Variants in MAMDC2 observed in about 807,000 individuals in gnomAD.
MAMDC2 encodes MAM domain containing 2.
Under a neutral mutation model 89.8 loss-of-function variants are expected in MAMDC2, and 57 were observed. The observed-to-expected ratio is 0.63, with a 90% CI of 0.51 to 0.79. The LOEUF is 0.79. MAMDC2 is among the 30% of genes least tolerant of loss of function. The pLI is 0.00. For missense variants in MAMDC2, 800 were observed against 820.6 expected (o/e 0.97, Z 0.31); for synonymous variants, 313 against 293.4 (o/e 1.07, Z -0.68).
chr9:70,184,969 T>C (rs1358867714), intron 11 of MAMDC2, among the ~76,000 whole-genome samples: 1 of 152,338 alleles, frequency 6.6e-6, no homozygotes, highest in East Asian at 1.9e-4. Context: ...TTGTGATTTT[T>C]GGAATTTTCA....
intron 11 of MAMDC2, among the ~76,000 whole-genome samples, chr9:70,197,590 T>C (rs570306410): frequency 6.6e-6 from 1 of 152,230 alleles, no homozygotes; most frequent in South Asian, 2.1e-4. Context: ...AATATGATCC[T>C]AGGAAGGAAC....
chr9:70,061,058 A>G (rs1202620536), intron 2 of MAMDC2, among the ~76,000 whole-genome samples: 2 of 152,300 alleles, frequency 1.3e-5, no homozygotes, highest in African/African-American at 4.8e-5. Flanking sequence ...ATGCAAATGC[A>G]CAGTGTGTTG....
intron 2 of MAMDC2, among the ~76,000 whole-genome samples, chr9:70,060,258 A>T (rs1827117727): frequency 1.3e-5 from 2 of 152,180 alleles, no homozygotes; most frequent in Non-Finnish European, 2.9e-5. Flanking sequence ...CTGGAGAGAC[A>T]CTCAGAATAT....
intron 2 of MAMDC2, among the ~76,000 whole-genome samples, chr9:70,105,421 G>A (rs1226763486): frequency 6.6e-6 from 1 of 152,110 alleles, no homozygotes; most frequent in Non-Finnish European, 1.5e-5. Flanking sequence ...GTGGAGGTGG[G>A]CGGTGCTTGG....
intron 6 of MAMDC2, among the ~76,000 whole-genome samples, chr9:70,130,957 T>C (rs1334122557): frequency 6.6e-6 from 1 of 152,164 alleles, no homozygotes; most frequent in East Asian, 1.9e-4. Flanking sequence ...AAGGCAACTT[T>C]AGAGACTCTG....
chr9:70,118,764 T>C (rs1281054258), intron 5 of MAMDC2, among the ~76,000 whole-genome samples: 1 of 152,174 alleles, frequency 6.6e-6, no homozygotes, highest in Non-Finnish European at 1.5e-5. Context: ...ATTGTCTACT[T>C]AGGAATTTCA....
intron 9 of MAMDC2, among the ~76,000 whole-genome samples, chr9:70,162,031 AG>A (rs2031992160): frequency 6.6e-6 from 1 of 152,212 alleles, no homozygotes; most frequent in Non-Finnish European, 1.5e-5. Context: ...TTGTTGGCAC[AG>A]GACTGAAATG....
intron 2 of MAMDC2, among the ~76,000 whole-genome samples, chr9:70,063,900 C>T (rs1827204936): frequency 1.3e-5 from 2 of 152,072 alleles, no homozygotes; most frequent in African/African-American, 4.8e-5. Context: ...GGGCTTCATT[C>T]CAAAGCCTGT....
At chr9:70,152,973 T>C (rs1233588878) in intron 9 of MAMDC2, among the ~76,000 whole-genome samples, 1 of 152,140 alleles carries the variant, frequency 6.6e-6, no homozygotes, top group Non-Finnish European at 1.5e-5. Context: ...TTAGTCCTGA[T>C]CCCCATAAGG....
chr9:70,217,349 C>T, intron 11 of MAMDC2: 1 of 1,365,926 alleles, frequency 7.3e-7, no homozygotes, highest in Non-Finnish European at 1.0e-6. Flanking sequence ...ATAAACTGGA[C>T]TGTCCTCCAC....
At chr9:70,205,975 A>C (rs554369215) in intron 11 of MAMDC2, among the ~76,000 whole-genome samples, 15 of 46,866 alleles carry the variant, frequency 3.2e-4, no homozygotes, top group Non-Finnish European at 7.1e-4. Flanking sequence ...GTCATTTGCA[A>C]GTCAAGAAGA....
intron 11 of MAMDC2, among the ~76,000 whole-genome samples, chr9:70,215,579 TTTAGAGTATCCTA>T (rs2033428731): frequency 6.6e-6 from 1 of 152,270 alleles, no homozygotes; most frequent in Non-Finnish European, 1.5e-5. Context: ...ATATGTAGTC[TTTAGAGTATCCTA>T]AAGGAGGTTT....
At chr9:70,212,350 G>A (rs1158281070) in intron 11 of MAMDC2, among the ~76,000 whole-genome samples, 7 of 152,216 alleles carry the variant, frequency 4.6e-5, no homozygotes, top group Admixed American at 2.0e-4. Context: ...CCCCAGCCTC[G>A]CTGCTGCCTT....
rs562287662 is a variant in MAMDC2, at chr9:70,098,286, G to T, written c.149-9925G>T. On this transcript the variant is annotated intron_variant, in intron 2 of 13. Coordinates refer to ENST00000377182, the MANE Select transcript of MAMDC2 (RefSeq NM_153267.5). Reference sequence around the variant, plus strand: ...TGCCCCACTTACCACCCTTTGGCAGGATTTACCAGTAATATTTGATAGCAT... The same window carrying T: ...TGCCCCACTTACCACCCTTTGGCAGTATTTACCAGTAATATTTGATAGCAT... Among the ~76,000 whole-genome samples the T allele has an allele frequency of 1.5e-3, 232 of 152,274 alleles. 1 individual carries two copies. The highest frequency in any genetic ancestry group is 2.9e-3 in the Non-Finnish European group (194 of 68,018).
chr9:70,206,871 C>T (rs1275111703), intron 11 of MAMDC2, among the ~76,000 whole-genome samples: 1 of 152,122 alleles, frequency 6.6e-6, no homozygotes, highest in Non-Finnish European at 1.5e-5. Flanking sequence ...TGAGTGAGAA[C>T]ATGCAGTGTT....
chr9:70,210,276 CTT>C lies in MAMDC2; in HGVS notation c.1652-8059_1652-8058del, dbSNP rs1376672592. On this transcript the variant is annotated intron_variant, in intron 11 of 13. Transcript: ENST00000377182. ...CATTATTGTATGTGAGTCTAAGTCT[CTT>C]TGTAGGTCTCTAAGGACTTGCTTTA... Among the ~76,000 whole-genome samples, 7 of 57,536 alleles carry C rather than the reference CTT, an allele frequency of 1.2e-4. 1 individual carries two copies. The highest frequency in any genetic ancestry group is 4.1e-4 in the African/African-American group (7 of 17,264). 37.7% of individuals were successfully genotyped at this position (57,536 alleles called of 152,430 possible). A position where few individuals can be genotyped will look rare whatever the true frequency, so the allele number is the denominator to read the frequency against.
At chr9:70,117,555 A>G (rs941572926) in intron 5 of MAMDC2, among the ~76,000 whole-genome samples, 1 of 152,170 alleles carries the variant, frequency 6.6e-6, no homozygotes, top group Non-Finnish European at 1.5e-5. Flanking sequence ...ATGTATATCT[A>G]TGTAACAAAC....
At chr9:70,114,930 G>A (rs563356382) in intron 5 of MAMDC2, among the ~76,000 whole-genome samples, 1 of 152,270 alleles carries the variant, frequency 6.6e-6, no homozygotes, top group Admixed American at 6.5e-5. Flanking sequence ...GAAGTAAACT[G>A]TATTTCGGGG....
At chr9:70,152,723 G>A (rs1230995969) in intron 9 of MAMDC2, among the ~76,000 whole-genome samples, 1 of 152,078 alleles carries the variant, frequency 6.6e-6, no homozygotes, top group African/African-American at 2.4e-5. Flanking sequence ...CTCCTAGGAG[G>A]GGTCAAAATT....
Sources: gnomAD v4.1 joint callset for allele counts (sites outside exome capture counted in the v4.1 genomes callset) on GRCh38, gnomAD v4.1.1 for gene constraint, MANE v1.5 for transcripts, NCBI Gene and HGNC (gene_info 2026-07-23, HGNC 2026-07-21) for gene names.